Variants in KIAA0232 observed in about 807,000 individuals in gnomAD.
KIAA0232 encodes the protein uncharacterized protein KIAA0232.
A neutral mutation model predicts 122.0 loss-of-function variants in KIAA0232; 27 were observed. That is an observed-to-expected ratio of 0.22 (90% CI 0.16 to 0.31). The LOEUF is 0.31. Ranked by LOEUF, KIAA0232 falls within the 10% of genes least tolerant of loss-of-function variation. The pLI is 1.00. For missense variants in KIAA0232, 1,551 were observed against 1,634.2 expected (o/e 0.95, Z 0.88); for synonymous variants, 613 against 587.6 (o/e 1.04, Z -0.63).
chr4:6,840,971 G>C (rs182195349), intron 3 of KIAA0232, among the ~76,000 whole-genome samples: 4 of 152,188 alleles, frequency 2.6e-5, no homozygotes, highest in African/African-American at 4.8e-5. Flanking sequence ...CATTAACGTA[G>C]TACATTAAGC....
chr4:6,862,761 T>C lies in KIAA0232; in HGVS notation c.2379T>C (p.Gly793=), dbSNP rs1720946872. 6.2e-7 allele frequency: 1 copy of C among 1,613,930 alleles called. No homozygotes were observed. The highest frequency in any genetic ancestry group is 1.7e-5 in the Admixed American group (1 of 59,978). Reference sequence around the variant, plus strand: ...CATCTAAACTAGAATCCGTCTGTGGTATTCAGCTAGAACAAAAAACAGAAA... The same window carrying C: ...CATCTAAACTAGAATCCGTCTGTGGCATTCAGCTAGAACAAAAAACAGAAA... ...KKTSKLESVC[G]IQLEQKTENK... Residue 793 remains glycine (G), a synonymous_variant, in exon 7 of 10, where the codon GGT becomes GGC. Coordinates refer to ENST00000307659, the MANE Select transcript of KIAA0232 (RefSeq NM_014743.3).
At position 6,798,026 on chromosome 4, in the gene KIAA0232, C is replaced by G. The variant is rs371691126; in HGVS notation, c.-353-6497C>G. Among the ~76,000 whole-genome samples, 725 of 151,338 alleles carry G rather than the reference C, an allele frequency of 4.8e-3. 12 individuals are homozygous for G. The highest frequency in any genetic ancestry group is 0.045 in the South Asian group (213 of 4,784). ...TGAGCTGAGATTACGCCACTGCATT[C>G]CAGCCTGGGTGACAGAGCCAGACTC... On this transcript the variant is annotated intron_variant, in intron 1 of 9. Transcript: ENST00000307659.
chr4:6,848,495 A>AC, intron 4 of KIAA0232, among the ~76,000 whole-genome samples: 1 of 152,206 alleles, frequency 6.6e-6, no homozygotes, highest in East Asian at 1.9e-4. Context: ...TGACAACTAC[A>AC]CCCATAGCAT....
At position 6,838,975 on chromosome 4, in the gene KIAA0232, A is replaced by G. The variant is rs537468445; in HGVS notation, c.232-3092A>G. Among the ~76,000 whole-genome samples, 8 of 152,266 alleles carry G rather than the reference A, an allele frequency of 5.3e-5. No homozygotes were observed. The South Asian group carries it at 1.5e-3, about 28-fold the overall frequency. On this transcript the variant is annotated intron_variant, in intron 3 of 9. Coordinates refer to ENST00000307659, the MANE Select transcript of KIAA0232 (RefSeq NM_014743.3). Reference sequence around the variant, plus strand: ...AAAACCCCATCTCCACTAAAAATACAGAAATTAGCCAGGTGTGGTGGCGCA... The same window carrying G: ...AAAACCCCATCTCCACTAAAAATACGGAAATTAGCCAGGTGTGGTGGCGCA...
At chr4:6,841,134 CATT>C (rs1428216481) in intron 3 of KIAA0232, among the ~76,000 whole-genome samples, 2 of 152,254 alleles carry the variant, frequency 1.3e-5, no homozygotes, top group South Asian at 4.1e-4. Flanking sequence ...GTCACTCTAA[CATT>C]ATTTGAATCA....
rs553190523 is a variant in KIAA0232, at chr4:6,842,187, C to T, written c.352C>T (p.Arg118Ter). 1 of 1,601,078 alleles carries T rather than the reference C, an allele frequency of 6.2e-7. No homozygotes were observed. Among genetic ancestry groups the T allele is most frequent in the Non-Finnish European group, 8.5e-7 (1 of 1,175,708 alleles). The part of the protein sequence containing the change: ...MKKQAAVQCL[R>*]SASDESSGIE... ...AAAACAGGCTGCTGTCCAGTGTCTT[C>T]GATCTGCTTCTGATGAAGTAAGTTT... Residue 118 changes from arginine (R) to a stop codon, truncating the protein, a stop_gained, in exon 4 of 10, where the codon CGA (arginine) becomes TGA (stop). Coordinates refer to ENST00000307659, the MANE Select transcript of KIAA0232 (RefSeq NM_014743.3). LOFTEE classifies it high-confidence loss of function.
chr4:6,824,660 C>G lies in KIAA0232; in HGVS notation c.207C>G (p.Ser69Arg). The G allele has an allele frequency of 6.2e-7, 1 of 1,614,014 alleles. No homozygotes were observed. The highest frequency in any genetic ancestry group is 8.5e-7 in the Non-Finnish European group (1 of 1,179,852). The change falls in exon 3 of 10, where the codon AGC becomes AGG. Residue 69 changes from serine to arginine, a missense_variant. By Grantham distance (110) the Ser-to-Arg change is moderately radical. Transcript: ENST00000307659. Reference sequence around the variant, plus strand: ...TCCTCAGTCTTCTGCTGCATGACAGCTATGACTACGACCTGCAGGAACAGG... The same window carrying G: ...TCCTCAGTCTTCTGCTGCATGACAGGTATGACTACGACCTGCAGGAACAGG... ...RYVLSLLLHD[S>R]YDYDLQEQEN...
chr4:6,800,658 G>T (rs1717348290), intron 1 of KIAA0232, among the ~76,000 whole-genome samples: 1 of 151,782 alleles, frequency 6.6e-6, no homozygotes, highest in South Asian at 2.1e-4. Flanking sequence ...TGCAGCCTGG[G>T]CGACAGAGGG....
At chr4:6,878,112 C>T (rs59178806) in intron 9 of KIAA0232, among the ~76,000 whole-genome samples, 3,062 of 152,272 alleles carry the variant, frequency 0.02, 100 homozygotes, top group African/African-American at 0.07. Context: ...CTGTGGCTCA[C>T]GCTTGTAATC....
chr4:6,863,423 C>G lies in KIAA0232; in HGVS notation c.3041C>G (p.Ser1014Cys). The G allele has an allele frequency of 2.5e-6, 4 of 1,614,018 alleles. No individual in the cohort carries two copies. The highest frequency in any genetic ancestry group is 3.4e-6 in the Non-Finnish European group (4 of 1,179,978). Residue 1014 changes from serine (S) to cysteine (C), a missense_variant, in exon 7 of 10, where the codon TCT becomes TGT. Physicochemically the swap from Ser to Cys is moderately radical, Grantham distance 112. This residue lies in a region of KIAA0232 where 1,108 missense variants were observed against 1,154.8 expected (regional missense o/e 0.96). Coordinates refer to ENST00000307659, the MANE Select transcript of KIAA0232 (RefSeq NM_014743.3). ...SGENGLNKGF[S>C]FIFHEDLLGA... Reference sequence around the variant, plus strand: ...GAAAATGGGTTAAATAAGGGATTTTCTTTTATCTTCCATGAAGACTTACTA... The same window carrying G: ...GAAAATGGGTTAAATAAGGGATTTTGTTTTATCTTCCATGAAGACTTACTA...
intron 7 of KIAA0232, among the ~76,000 whole-genome samples, chr4:6,867,021 C>T (rs150869505): frequency 2.0e-5 from 3 of 152,322 alleles, no homozygotes; most frequent in Non-Finnish European, 2.9e-5. Context: ...ATTTTTTGCG[C>T]GTATTAACAA....
In KIAA0232 at chr4:6,882,263, AAAAC is replaced by A. The variant is rs1354074027; in HGVS notation, c.*1301_*1304del. 3 of 152,208 alleles carry A rather than the reference AAAAC, an allele frequency of 2.0e-5. No individual in the cohort carries two copies. Among genetic ancestry groups the A allele is most frequent in the African/African-American group, 4.8e-5 (2 of 41,458 alleles). The allele number at this position is 152,208 out of a possible 1,614,324, so 9.4% of individuals were successfully genotyped here. ...TAACCAACTCATTGTTTAAAAAACAAAAACAAAAAAAACCTAATCTGTGAAATCA... is the reference window on the plus strand; with the variant it reads ...TAACCAACTCATTGTTTAAAAAACAAAAAAAAAACCTAATCTGTGAAATCA... On this transcript the variant is annotated 3_prime_UTR_variant, in exon 10 of 10. Coordinates refer to ENST00000307659, the MANE Select transcript of KIAA0232 (RefSeq NM_014743.3).
chr4:6,818,219 G>A (rs1446918262), intron 2 of KIAA0232, among the ~76,000 whole-genome samples: 1 of 151,892 alleles, frequency 6.6e-6, no homozygotes, highest in Non-Finnish European at 1.5e-5. Context: ...TGGCCAAGAT[G>A]GTGAAACCCC....
At chr4:6,797,245 G>C (rs764155329) in intron 1 of KIAA0232, among the ~76,000 whole-genome samples, 3 of 152,172 alleles carry the variant, frequency 2.0e-5, no homozygotes, top group Non-Finnish European at 2.9e-5. Flanking sequence ...GCCAGGGTGG[G>C]CAAAAGATGA....
chr4:6,812,376 T>A (rs1004318895), intron 2 of KIAA0232, among the ~76,000 whole-genome samples: 5 of 152,188 alleles, frequency 3.3e-5, no homozygotes, highest in Admixed American at 3.3e-4. Context: ...ATGTGACTAG[T>A]GGCTACCATA....
At chr4:6,791,717 A>C (rs373962488) in intron 1 of KIAA0232, among the ~76,000 whole-genome samples, 3 of 152,158 alleles carry the variant, frequency 2.0e-5, no homozygotes, top group Admixed American at 1.3e-4. Context: ...ACCACAGATA[A>C]ATTTTAAAAA....
chr4:6,837,571 G>A (rs899615956), intron 3 of KIAA0232, among the ~76,000 whole-genome samples: 1 of 152,206 alleles, frequency 6.6e-6, no homozygotes, highest in African/African-American at 2.4e-5. Context: ...GCGGCTGGGA[G>A]GTGGAGGTTG....
chr4:6,795,448 A>G (rs534762588), intron 1 of KIAA0232, among the ~76,000 whole-genome samples: 1 of 152,328 alleles, frequency 6.6e-6, no homozygotes, highest in East Asian at 1.9e-4. Context: ...CAGATGCCAA[A>G]GACAGTGTGA....
Position 6,863,707 on chromosome 4 carries a change from C to T in KIAA0232, c.3325C>T (p.Arg1109Cys), listed in dbSNP as rs1160781082. 6.2e-6 allele frequency: 10 copies of T among 1,614,056 alleles called. No individual in the cohort carries two copies. Among genetic ancestry groups the T allele is most frequent in the East Asian group, 2.2e-5 (1 of 44,890 alleles). ...AIRISPRTHFRPISASELSPG... is the reference protein window; with the variant it reads ...AIRISPRTHFCPISASELSPG... ...TCGGATCTCTCCTCGGACTCACTTTCGCCCAATTTCTGCATCCGAACTGTC... is the reference window on the plus strand; with the variant it reads ...TCGGATCTCTCCTCGGACTCACTTTTGCCCAATTTCTGCATCCGAACTGTC... The change falls in exon 7 of 10, where the codon CGC (arginine) becomes TGC (cysteine). Residue 1109 changes from arginine to cysteine, a missense_variant. Physicochemically the swap from Arg to Cys is radical, Grantham distance 180. Transcript: ENST00000307659.
Sources: gnomAD v4.1 joint callset for allele counts (sites outside exome capture counted in the v4.1 genomes callset) on GRCh38, gnomAD v4.1.1 for gene constraint, gnomAD v4.1.1 regional missense constraint, MANE v1.5 for transcripts, NCBI Gene and HGNC (gene_info 2026-07-23, HGNC 2026-07-21) for gene names.